The following KCNQ2 variants were observed in gnomAD, a reference collection of about 807,000 sequenced individuals.
KCNQ2 encodes the protein potassium voltage-gated channel subfamily KQT member 2.
A neutral mutation model predicts 84.8 loss-of-function variants in KCNQ2; 14 were observed. The ratio of observed to expected loss-of-function variants is 0.17; its 90% CI spans 0.11 to 0.26. The LOEUF (loss-of-function observed/expected upper bound fraction) is 0.26, where lower values mean the gene tolerates loss of function less well. KCNQ2 is among the 10% of genes least tolerant of loss of function. The pLI is 1.00. For synonymous variants in KCNQ2, 599 were observed against 554.1 expected (o/e 1.08, Z -1.14); for missense variants, 788 against 1,254.0 (o/e 0.63, Z 5.61).
chr20:63,410,437 T>C (rs987129717), intron 15 of KCNQ2, among the ~76,000 whole-genome samples: 1 of 151,950 alleles, frequency 6.6e-6, no homozygotes, highest in African/African-American at 2.4e-5. Context: ...CCTGGCCCCC[T>C]GTGTGAACCT....
intron 10 of KCNQ2, among the ~76,000 whole-genome samples, chr20:63,427,782 AAGAGTGTCTCTAGGAGGC>A (rs1211344065): frequency 2.0e-5 from 3 of 152,216 alleles, no homozygotes; most frequent in Admixed American, 6.5e-5. Flanking sequence ...TCCAGAGCAG[AAGAGTGTCTCTAGGAGGC>A]AGAAACCAGC....
chr20:63,449,955 C>A (rs1256110414), intron 1 of KCNQ2, among the ~76,000 whole-genome samples: 1 of 152,056 alleles, frequency 6.6e-6, no homozygotes, highest in African/African-American at 2.4e-5. Flanking sequence ...CAGAGCAGAC[C>A]CCGTCCCGCA....
intron 8 of KCNQ2, among the ~76,000 whole-genome samples, chr20:63,432,045 T>A (rs1279391834): frequency 2.8e-5 from 3 of 107,888 alleles, no homozygotes; most frequent in Admixed American, 2.0e-4. Flanking sequence ...CAGGGAAGGA[T>A]CCACCCACAG....
rs940378358 is a variant in KCNQ2, at chr20:63,401,180, C to T, written c.*5464G>A. ...AGCACACTCAACTCCACCCCACAAA[C>T]GCCTTTTAAAACTCTGAAGAGGCCC... On this transcript the variant is annotated 3_prime_UTR_variant, in exon 17 of 17. Transcript: ENST00000359125. 6.6e-5 allele frequency: 19 copies of T among 288,800 alleles called. No homozygotes were observed. The highest frequency in any genetic ancestry group is 5.0e-4 in the South Asian group (3 of 6,046). The allele number at this position is 288,800 out of a possible 1,614,324, so 17.9% of individuals were successfully genotyped here. A position where few individuals can be genotyped will look rare whatever the true frequency, so the allele number is the denominator to read the frequency against.
rs2079793327 is a variant in KCNQ2 at position 63,400,780 on chromosome 20, C to T, written c.*5864G>A. 5.0e-6 allele frequency: 2 copies of T among 398,488 alleles called. No individual in the cohort carries two copies. The highest frequency in any genetic ancestry group is 8.9e-6 in the Non-Finnish European group (2 of 225,978). 24.7% of individuals were successfully genotyped at this position (398,488 alleles called of 1,614,324 possible). The stretch of plus-strand genomic sequence containing the variant: ...GTCCAGCGGGACCACCAGCTCTGGG[C>T]GCCTCAGTGCGAGACCCCTCCGTGA... On this transcript the variant is annotated 3_prime_UTR_variant, in exon 17 of 17. Coordinates refer to ENST00000359125, the MANE Select transcript of KCNQ2 (RefSeq NM_172107.4). The surrounding 1 kb of genome is among the most constrained non-coding windows in gnomAD (Gnocchi z 8.7).
chr20:63,442,995 C>T (rs1220686480), intron 4 of KCNQ2, among the ~76,000 whole-genome samples: 11 of 81,162 alleles, frequency 1.4e-4, no homozygotes, highest in Middle Eastern at 0.011. Context: ...ATTACCATCA[C>T]CATCACCACC....
chr20:63,412,869 C>T (rs998258964), intron 15 of KCNQ2, among the ~76,000 whole-genome samples: 2 of 152,198 alleles, frequency 1.3e-5, no homozygotes, highest in Admixed American at 1.3e-4. Context: ...TGTGTATATC[C>T]TTGTTTGTAT....
Position 63,431,325 on chromosome 20 carries a change from C to G in KCNQ2, c.1148+15G>C, listed in dbSNP as rs765321062. ...CCACACACACACACAGGGCTTCTGT[C>G]CATGCATTTCCTACCTGGAGGCCCC... On this transcript the variant is annotated intron_variant, in intron 9 of 16. Coordinates refer to ENST00000359125, the MANE Select transcript of KCNQ2 (RefSeq NM_172107.4). 4 of 1,613,502 alleles carry G rather than the reference C, an allele frequency of 2.5e-6. No individual in the cohort carries two copies. The South Asian group carries it at 4.4e-5, about 18-fold the overall frequency.
At chr20:63,437,114 G>A (rs1255692786) in intron 7 of KCNQ2, among the ~76,000 whole-genome samples, 2 of 152,146 alleles carry the variant, frequency 1.3e-5, no homozygotes, top group Non-Finnish European at 2.9e-5. Flanking sequence ...GGGAAACCAC[G>A]AAATTTGTGT....
At chr20:63,412,016 G>A in intron 15 of KCNQ2, 2 of 606,416 alleles carry the variant, frequency 3.3e-6, no homozygotes, top group Non-Finnish European at 5.9e-6. Flanking sequence ...TCCCACAGAG[G>A]GTGTGGACGC....
intron 15 of KCNQ2, 53 bp downstream of exon 15, chr20:63,413,397 C>T (rs1037672622): frequency 1.2e-6 from 2 of 1,606,860 alleles, no homozygotes; most frequent in African/African-American, 1.3e-5. Flanking sequence ...GGCTTTGTCC[C>T]AGAAGCCCAC....
Position 63,446,077 on chromosome 20 carries a change from CCT to C in KCNQ2, c.387+668_387+669del, listed in dbSNP as rs555305150. On this transcript the variant is annotated intron_variant, in intron 2 of 16. Coordinates refer to ENST00000359125, the MANE Select transcript of KCNQ2 (RefSeq NM_172107.4). The surrounding 1 kb of genome is among the most constrained non-coding windows in gnomAD (Gnocchi z 5.5). ...GGGGACTCTATCTGAGTTGGGGGCC[CCT>C]GTCTGAGCTGGGGGACCCTGTCTGA... 6 of 289,476 alleles carry C rather than the reference CCT, an allele frequency of 2.1e-5. No homozygotes were observed. The East Asian group carries it at 6.9e-4, about 33-fold the overall frequency. 17.9% of individuals were successfully genotyped at this position (289,476 alleles called of 1,614,324 possible). A position where few individuals can be genotyped will look rare whatever the true frequency, so the allele number is the denominator to read the frequency against.
chr20:63,413,731 G>A, intron 14 of KCNQ2, 150 bp from the exon 15 acceptor site: 1 of 920,476 alleles, frequency 1.1e-6, no homozygotes, highest in Admixed American at 2.0e-5. Flanking sequence ...ACACACAGAA[G>A]GGCCTTTATG....
chr20:63,424,974 G>T (rs3787119), intron 10 of KCNQ2, among the ~76,000 whole-genome samples: 1 of 152,104 alleles, frequency 6.6e-6, no homozygotes, highest in Admixed American at 6.5e-5. Context: ...CCGTGTTGCC[G>T]TGGAACATGG....
intron 6 of KCNQ2, among the ~76,000 whole-genome samples, chr20:63,439,241 G>A (rs2081088806): frequency 1.3e-5 from 2 of 152,210 alleles, no homozygotes; most frequent in Admixed American, 1.3e-4. Flanking sequence ...GGGCCTCACT[G>A]CCTAGAGACC....
intron 1 of KCNQ2, among the ~76,000 whole-genome samples, chr20:63,450,237 C>A (rs2081569282): frequency 6.6e-6 from 1 of 151,528 alleles, no homozygotes; most frequent in Admixed American, 6.6e-5. Flanking sequence ...TCCGGAGGGA[C>A]CTAGACGAAA....
intron 4 of KCNQ2, among the ~76,000 whole-genome samples, chr20:63,444,022 G>A (rs2081341865): frequency 6.6e-6 from 1 of 152,250 alleles, no homozygotes; most frequent in Non-Finnish European, 1.5e-5. Context: ...TCCAGGGAGG[G>A]AGAGGGGCCA....
rs955561137 is a variant in KCNQ2 at position 63,401,361 on chromosome 20, G to C, written c.*5283C>G. The C allele has an allele frequency of 5.2e-5, 8 of 153,990 alleles. No homozygotes were observed. Among genetic ancestry groups the C allele is most frequent in the African/African-American group, 1.9e-4 (8 of 41,510 alleles). 9.5% of individuals were successfully genotyped at this position (153,990 alleles called of 1,614,324 possible). A position where few individuals can be genotyped will look rare whatever the true frequency, so the allele number is the denominator to read the frequency against. On this transcript the variant is annotated 3_prime_UTR_variant, in exon 17 of 17. Transcript: ENST00000359125. ...GGAACCCCCATTCACTCATGCTCCC[G>C]GGTCATGGAAAGCTCCTGGGTGTGC...
chr20:63,463,672 GCT>G (rs1313708482), intron 1 of KCNQ2: 1 of 152,196 alleles, frequency 6.6e-6, no homozygotes, highest in Non-Finnish European at 1.5e-5. Context: ...CTGGCCTTTT[GCT>G]CCCACTCACC....
Sources: gnomAD v4.1 joint callset for allele counts (sites outside exome capture counted in the v4.1 genomes callset) on GRCh38, gnomAD v4.1.1 for gene constraint, Gnocchi (gnomAD v3.1) non-coding constraint, MANE v1.5 for transcripts, NCBI Gene and HGNC (gene_info 2026-07-23, HGNC 2026-07-21) for gene names.